SLC24A2: variants seen among roughly 807,000 people sequenced by gnomAD.
SLC24A2 encodes sodium/potassium/calcium exchanger 2.
A neutral mutation model predicts 62.0 loss-of-function variants in SLC24A2; 36 were observed. That is an observed-to-expected ratio of 0.58 (90% CI 0.44 to 0.77). SLC24A2 has a LOEUF of 0.77. Among genes scored for constraint, SLC24A2 ranks in the 30% least tolerant of loss-of-function variants. The pLI, the probability that SLC24A2 is intolerant of heterozygous loss-of-function variation, is 0.00. For synonymous variants in SLC24A2, 358 were observed against 294.0 expected (o/e 1.22, Z -2.23); for missense variants, 846 against 817.9 (o/e 1.03, Z -0.42).
the SLC24A2 span, among the ~76,000 whole-genome samples, chr9:20,139,203 G>T: frequency 6.6e-6 from 1 of 152,078 alleles, no homozygotes; most frequent in Non-Finnish European, 1.5e-5. Flanking sequence ...AATGGAAAAG[G>T]CCTCTGAGAA....
chr9:19,688,856 G>A (rs1819961613), intron 2 of SLC24A2, among the ~76,000 whole-genome samples: 1 of 152,048 alleles, frequency 6.6e-6, no homozygotes, highest in African/African-American at 2.4e-5. Flanking sequence ...CTTTTAGTCT[G>A]TTACTTGAAT....
chr9:19,964,684 T>C, the SLC24A2 span, among the ~76,000 whole-genome samples: 4 of 152,156 alleles, frequency 2.6e-5, no homozygotes, highest in Admixed American at 2.0e-4. Flanking sequence ...ACAAGGGAGA[T>C]TCCCACCCAA....
chr9:19,761,576 C>T (rs1440303676), intron 2 of SLC24A2, among the ~76,000 whole-genome samples: 4 of 151,960 alleles, frequency 2.6e-5, no homozygotes, highest in Non-Finnish European at 5.9e-5. Flanking sequence ...TGGTGTGCTG[C>T]ACCCATTAAC....
the SLC24A2 span, among the ~76,000 whole-genome samples, chr9:20,077,516 G>A: frequency 6.6e-6 from 1 of 152,052 alleles, no homozygotes; most frequent in Non-Finnish European, 1.5e-5. Context: ...CTACAGTGTG[G>A]GGCCCCTTCT....
chr9:19,669,923 T>A (rs1333363038), intron 2 of SLC24A2, among the ~76,000 whole-genome samples: 1 of 152,232 alleles, frequency 6.6e-6, no homozygotes, highest in East Asian at 1.9e-4. Context: ...CATCATTCTG[T>A]CTACCACAGT....
At chr9:19,836,409 C>A in the SLC24A2 span, among the ~76,000 whole-genome samples, 2 of 152,018 alleles carry the variant, frequency 1.3e-5, no homozygotes, top group African/African-American at 4.8e-5. Context: ...ACCACCGATC[C>A]CACAGAAATA....
chr9:19,584,461 T>C (rs931812972), intron 5 of SLC24A2, among the ~76,000 whole-genome samples: 2 of 152,130 alleles, frequency 1.3e-5, no homozygotes, highest in African/African-American at 2.4e-5. Flanking sequence ...GGAGGCCTTC[T>C]TACGAGGGTA....
At chr9:20,208,270 C>T in the SLC24A2 span, among the ~76,000 whole-genome samples, 4 of 152,288 alleles carry the variant, frequency 2.6e-5, no homozygotes, top group Admixed American at 2.0e-4. Context: ...CACAGGAAAG[C>T]AGGCATTTGC....
chr9:20,129,316 A>G, the SLC24A2 span, among the ~76,000 whole-genome samples: 2 of 152,164 alleles, frequency 1.3e-5, no homozygotes, highest in African/African-American at 4.8e-5. Flanking sequence ...CAATATGGAG[A>G]AATTAGAATC....
chr9:19,567,049 G>A (rs1365192662), intron 7 of SLC24A2, among the ~76,000 whole-genome samples: 1 of 151,596 alleles, frequency 6.6e-6, no homozygotes, highest in African/African-American at 2.4e-5. Flanking sequence ...CATGGCACAT[G>A]TATACATATG....
chr9:19,888,292 T>C, the SLC24A2 span, among the ~76,000 whole-genome samples: 141 of 152,334 alleles, frequency 9.3e-4, no homozygotes, highest in African/African-American at 3.2e-3. Context: ...TGCAAATGAC[T>C]TGAACGATCT....
chr9:20,158,512 G>C, the SLC24A2 span, among the ~76,000 whole-genome samples: 1 of 151,590 alleles, frequency 6.6e-6, no homozygotes, highest in South Asian at 2.1e-4. Flanking sequence ...GCCGTCATCA[G>C]ACATCAAACT....
At chr9:19,630,830 C>A (rs1818158960) in intron 2 of SLC24A2, among the ~76,000 whole-genome samples, 1 of 152,184 alleles carries the variant, frequency 6.6e-6, no homozygotes, top group Admixed American at 6.6e-5. Context: ...AAGCATACAA[C>A]ACTTTCCGTT....
At chr9:19,520,238 GTTTA>G (rs1418858787) in intron 10 of SLC24A2, among the ~76,000 whole-genome samples, 1 of 152,208 alleles carries the variant, frequency 6.6e-6, no homozygotes, top group Non-Finnish European at 1.5e-5. Context: ...CTGATGTTAA[GTTTA>G]TTTGTCAGAC....
At chr9:19,814,497 A>G in the SLC24A2 span, among the ~76,000 whole-genome samples, 1 of 152,198 alleles carries the variant, frequency 6.6e-6, no homozygotes, top group African/African-American at 2.4e-5. Flanking sequence ...TGCTTACCAA[A>G]CAACCTTGAG....
In SLC24A2 at chr9:19,557,938, GCCTCC is replaced by G. The variant is rs1835180751; in HGVS notation, c.1348-7675_1348-7671del. On this transcript the variant is annotated intron_variant, in intron 7 of 10. Transcript: ENST00000341998. ...GGGCTCAAGCAATCCTCCCACTTTA[GCCTCC>G]CAAGTAGCTGAGACTACACGTATGC... Among the ~76,000 whole-genome samples, 5 of 151,032 alleles carry G rather than the reference GCCTCC, an allele frequency of 3.3e-5. No homozygotes were observed. The South Asian group carries it at 1.1e-3, about 32-fold the overall frequency.
chr9:19,756,055 C>G (rs1822131293), intron 2 of SLC24A2, among the ~76,000 whole-genome samples: 1 of 152,200 alleles, frequency 6.6e-6, no homozygotes, highest in Non-Finnish European at 1.5e-5. Context: ...GGCCAGGTTC[C>G]TGACCATGGC....
At chr9:20,292,114 C>T in the SLC24A2 span, among the ~76,000 whole-genome samples, 1 of 152,306 alleles carries the variant, frequency 6.6e-6, no homozygotes, top group African/African-American at 2.4e-5. Context: ...AACCGCAACA[C>T]AGCAGAGGGT....
the SLC24A2 span, among the ~76,000 whole-genome samples, chr9:20,210,799 C>G: frequency 6.7e-6 from 1 of 150,262 alleles, no homozygotes; most frequent in Non-Finnish European, 1.5e-5. Flanking sequence ...CCACCGCGCC[C>G]GGCCACAGAA....
Sources: gnomAD v4.1 joint callset for allele counts (sites outside exome capture counted in the v4.1 genomes callset) on GRCh38, gnomAD v4.1.1 for gene constraint, MANE v1.5 for transcripts, NCBI Gene and HGNC (gene_info 2026-07-23, HGNC 2026-07-21) for gene names.